PML: variants seen among roughly 807,000 people sequenced by gnomAD.
The protein encoded by PML is protein PML.
In PML, 28 loss-of-function variants were observed where a neutral mutation model predicts 65.2. That is an observed-to-expected ratio of 0.43 (90% CI 0.32 to 0.59). The LOEUF is 0.59. PML is among the 20% of genes least tolerant of loss of function. PML has a pLI of 0.08. For synonymous variants in PML, 500 were observed against 508.8 expected, an observed-to-expected ratio of 0.98 and a Z score of 0.23; for missense variants, 1,021 against 1,203.4, an observed-to-expected ratio of 0.85 and a Z score of 2.24.
rs1030358545 is a variant in PML, at chr15:73,998,886, G to C, written c.602+410G>C. Among the ~76,000 whole-genome samples, 5 of 152,126 alleles carry C rather than the reference G, an allele frequency of 3.3e-5. No homozygotes were observed. The East Asian group carries it at 9.6e-4, about 29-fold the overall frequency. On this transcript the variant is annotated intron_variant, in intron 2 of 8. Coordinates refer to ENST00000268058, the MANE Select transcript of PML (RefSeq NM_033238.3). ...GGAATCTCAGTAAGGCTGGATTCTA[G>C]GATCAGAGACAAGTAGTTAGTTTCT...
chr15:74,041,443 G>A (rs1220743713), intron 7 of PML: 1 of 152,420 alleles, frequency 6.6e-6, no homozygotes, highest in Non-Finnish European at 1.5e-5. Flanking sequence ...CTCACCCGGA[G>A]CAAGACGTGT....
intron 2 of PML, 105 bp from the exon 3 acceptor site, chr15:74,022,723 C>T (rs1395230040): frequency 1.8e-5 from 17 of 928,000 alleles, no homozygotes; most frequent in Middle Eastern, 2.1e-4. Flanking sequence ...AGAAACATGC[C>T]ATGATTCAAA....
chr15:74,015,602 G>GT (rs1485924180), intron 2 of PML, among the ~76,000 whole-genome samples: 1 of 152,240 alleles, frequency 6.6e-6, no homozygotes, highest in African/African-American at 2.4e-5. Flanking sequence ...TGCGGCTATA[G>GT]TGGCCTATCT....
At chr15:74,026,163 TTTTG>T (rs551196680) in intron 4 of PML, 42 of 153,504 alleles carry the variant, frequency 2.7e-4, no homozygotes, top group Non-Finnish European at 4.6e-4. Context: ...TGACTCTGTT[TTTTG>T]TTTGTTTGTT....
In PML at chr15:74,036,150, G is replaced by A. The variant is rs370140201; in HGVS notation, c.1710+1620G>A. Reference sequence around the variant, plus strand: ...GGGTCTTCTCTGGCTGAGAGGGGAAGGCTAAGGCATGGCTGAGATTCAAGC... The same window carrying A: ...GGGTCTTCTCTGGCTGAGAGGGGAAAGCTAAGGCATGGCTGAGATTCAAGC... On this transcript the variant is annotated intron_variant, in intron 7 of 8. Transcript: ENST00000268058. 81 of 1,607,736 alleles carry A rather than the reference G, an allele frequency of 5.0e-5. 1 individual carries two copies. In the East Asian group the frequency reaches 1.0e-3, roughly 20 times the overall value.
At position 74,023,335 on chromosome 15, in the gene PML, C is replaced by A. The variant is rs762830343; in HGVS notation, c.1110C>A (p.Ala370=). The part of the protein sequence containing the change: ...RQEEPQSLQA[A]VRTDGFDEFK... Reference sequence around the variant, plus strand: ...AGGAGCCCCAGAGCCTGCAAGCTGCCGTGCGCACCGATGGCTTCGACGAGT... The same window carrying A: ...AGGAGCCCCAGAGCCTGCAAGCTGCAGTGCGCACCGATGGCTTCGACGAGT... The change falls in exon 3 of 9, where the codon GCC becomes GCA. Residue 370 remains alanine, a synonymous_variant. Coordinates refer to ENST00000268058, the MANE Select transcript of PML (RefSeq NM_033238.3). The A allele has an allele frequency of 1.2e-6, 2 of 1,605,348 alleles. No individual in the cohort carries two copies. Among genetic ancestry groups the A allele is most frequent in the African/African-American group, 2.7e-5 (2 of 74,928 alleles).
chr15:74,044,638 C>T lies in PML; in HGVS notation c.2279C>T (p.Ser760Phe), dbSNP rs959133455. ...MRDLCRLLEV[S>F]PGPQLAQHVY... is the part of the protein sequence containing the mutation. ...GACCTGTGCCGCCTCCTCGAGGTCT[C>T]CCCGGGCCCCCAGCTGGCCCAGCAT... Residue 760 changes from serine to phenylalanine, a missense_variant, in exon 9 of 9, where the codon TCC becomes TTC. Physicochemically the swap from Ser to Phe is radical, Grantham distance 155. Transcript: ENST00000268058. 6.2e-7 allele frequency: 1 copy of T among 1,605,620 alleles called. No individual in the cohort carries two copies. Among genetic ancestry groups the T allele is most frequent in the East Asian group, 2.2e-5 (1 of 44,872 alleles).
Position 74,034,464 on chromosome 15 carries a change from C to T in PML, c.1658-14C>T. The T allele has an allele frequency of 6.2e-7, 1 of 1,614,212 alleles. No individual in the cohort carries two copies. The highest frequency in any genetic ancestry group is 8.5e-7 in the Non-Finnish European group (1 of 1,180,036). On this transcript the variant is annotated splice_polypyrimidine_tract_variant and intron_variant, in intron 6 of 8. Coordinates refer to ENST00000268058, the MANE Select transcript of PML (RefSeq NM_033238.3). ...CTAGGCAGTTCATAATGCATCTCCCCTTCCCCGTTTCAGAGGAACGCGTTG... is the reference window on the plus strand; with the variant it reads ...CTAGGCAGTTCATAATGCATCTCCCTTTCCCCGTTTCAGAGGAACGCGTTG...
intron 7 of PML, chr15:74,036,275 G>A (rs568754580): frequency 3.6e-5 from 53 of 1,477,156 alleles, no homozygotes; most frequent in African/African-American, 3.1e-4. Context: ...TCCATGCCCC[G>A]ACCCCCACCC....
intron 4 of PML, chr15:74,025,302 A>C: frequency 3.0e-6 from 1 of 332,524 alleles, no homozygotes; most frequent in East Asian, 7.3e-5. Flanking sequence ...GGTTAGATAT[A>C]GGGTCAGCAG....
chr15:74,006,316 T>G (rs1441333683), intron 2 of PML, among the ~76,000 whole-genome samples: 2 of 138,106 alleles, frequency 1.4e-5, no homozygotes, highest in Non-Finnish European at 3.0e-5. Flanking sequence ...GCATGAACCC[T>G]GGAGGTGGAG....
In PML at chr15:74,044,607, A is replaced by G. The variant is rs1225133713; in HGVS notation, c.2248A>G (p.Met750Val). Residue 750 changes from methionine to valine, a missense_variant, in exon 9 of 9, where the codon ATG (methionine) becomes GTG (valine). Physicochemically the swap from Met to Val is conservative, Grantham distance 21 (BLOSUM62 1). Coordinates refer to ENST00000268058, the MANE Select transcript of PML (RefSeq NM_033238.3). ...ERSAMAAVLA[M>V]RDLCRLLEVS... ...CAGCGCCATGGCTGCCGTGCTGGCC[A>G]TGCGTGACCTGTGCCGCCTCCTCGA... 1.2e-6 allele frequency: 2 copies of G among 1,608,140 alleles called. No individual in the cohort carries two copies. Among genetic ancestry groups the G allele is most frequent in the Non-Finnish European group, 1.7e-6 (2 of 1,179,954 alleles).
At chr15:74,003,118 A>G (rs1370688543) in intron 2 of PML, among the ~76,000 whole-genome samples, 8 of 149,554 alleles carry the variant, frequency 5.3e-5, no homozygotes, top group African/African-American at 1.7e-4. Flanking sequence ...TGGGTGACAC[A>G]ATGAGACTCT....
In PML at chr15:74,044,906, C is replaced by T; in HGVS notation, c.2547C>T (p.Tyr849=). Residue 849 remains tyrosine (Y), a synonymous_variant, in exon 9 of 9, where the codon TAC becomes TAT. Transcript: ENST00000268058. The part of the protein sequence containing the change: ...PAFNLQALGT[Y]FEGLLEGPAL... ...TCAACCTGCAGGCTCTGGGCACCTA[C>T]TTTGAAGGCCTGTTGGAGGGTCCGG... The T allele has an allele frequency of 6.2e-7, 1 of 1,613,588 alleles. No individual in the cohort carries two copies. Among genetic ancestry groups the T allele is most frequent in the African/African-American group, 1.3e-5 (1 of 75,062 alleles).
At chr15:74,033,544 T>C in intron 6 of PML, 130 bp downstream of exon 6, 1 of 980,300 alleles carries the variant, frequency 1.0e-6, no homozygotes, top group East Asian at 2.5e-5. Flanking sequence ...CTGAATAAGA[T>C]AGGGAAAGTT....
Position 73,994,832 on chromosome 15 carries a change from G to T in PML, c.20G>T (p.Arg7Leu), listed in dbSNP as rs1482238182. The T allele has an allele frequency of 1.7e-5, 26 of 1,557,564 alleles. No individual in the cohort carries two copies. The highest frequency in any genetic ancestry group is 2.2e-5 in the Non-Finnish European group (25 of 1,150,612). Residue 7 changes from arginine (R) to leucine (L), a missense_variant, in exon 1 of 9, where the codon CGA becomes CTA. By Grantham distance (102) the Arg-to-Leu change is moderately radical. Coordinates refer to ENST00000268058, the MANE Select transcript of PML (RefSeq NM_033238.3). ...GGGTCCATGGAGCCTGCACCCGCCC[G>T]ATCTCCGAGGCCCCAGCAGGACCCC... MEPAPA[R>L]SPRPQQDPAR... is the part of the protein sequence containing the mutation.
Position 74,024,080 on chromosome 15 carries a change from G to T in PML, c.1183+672G>T, listed in dbSNP as rs566373434. Among the ~76,000 whole-genome samples the T allele has an allele frequency of 4.6e-5, 7 of 152,224 alleles. No individual in the cohort carries two copies. The East Asian group carries it at 1.4e-3, about 29-fold the overall frequency. Reference sequence around the variant, plus strand: ...AGATGTAGCAGCTGTGTATTAGCTGGAACAGGGGGGCTTTCAAAATAAGGG... The same window carrying T: ...AGATGTAGCAGCTGTGTATTAGCTGTAACAGGGGGGCTTTCAAAATAAGGG... On this transcript the variant is annotated intron_variant, in intron 3 of 8. Transcript: ENST00000268058.
chr15:74,010,841 T>C (rs1474640541), intron 2 of PML, among the ~76,000 whole-genome samples: 1 of 152,170 alleles, frequency 6.6e-6, no homozygotes, highest in East Asian at 1.9e-4. Context: ...AGGGAAAACT[T>C]GTATTTATGT....
rs897438523 is a variant in PML at position 74,042,154 on chromosome 15, T to A, written c.1711-835T>A. Reference sequence around the variant, plus strand: ...CAGAGCTGGAGCCCTTCCCTCATCCTCTGGCTCCCCACCCCATGGCTTCTC... The same window carrying A: ...CAGAGCTGGAGCCCTTCCCTCATCCACTGGCTCCCCACCCCATGGCTTCTC... On this transcript the variant is annotated intron_variant, in intron 7 of 8. Transcript: ENST00000268058. This position sits in a 1 kb window ranked among gnomAD's most constrained non-coding sequence, Gnocchi z 5.3. Among the ~76,000 whole-genome samples the A allele has an allele frequency of 2.0e-5, 3 of 152,356 alleles. No homozygotes were observed. In the South Asian group the frequency reaches 6.2e-4, roughly 32 times the overall value.
Sources: allele counts gnomAD v4.1 joint callset (sites outside exome capture counted in the v4.1 genomes callset), GRCh38; gene constraint gnomAD v4.1.1; non-coding constraint Gnocchi (gnomAD v3.1); transcripts MANE v1.5; gene names NCBI Gene and HGNC (gene_info 2026-07-23, HGNC 2026-07-21).